The following PROSER3 variants were observed in gnomAD, a reference collection of about 807,000 sequenced individuals.
PROSER3 encodes the protein proline and serine rich 3, also known as proline and serine-rich protein 3.
In PROSER3, 33 loss-of-function variants were observed where a neutral mutation model predicts 50.2. That is an observed-to-expected ratio of 0.66 (90% CI 0.50 to 0.88). PROSER3 has a LOEUF of 0.88. Among genes scored for constraint, PROSER3 ranks in the 40% least tolerant of loss-of-function variants. The pLI is 0.00. For missense variants in PROSER3, 623 were observed against 612.7 expected, an observed-to-expected ratio of 1.02 and a Z score of -0.18; for synonymous variants, 266 against 259.3, an observed-to-expected ratio of 1.03 and a Z score of -0.25.
chr19:35,765,246 G>C, intron 7 of PROSER3, 70 bp downstream of exon 7: 1 of 1,523,596 alleles, frequency 6.6e-7, no homozygotes, highest in Non-Finnish European at 8.9e-7. Flanking sequence ...GACCAGCTAT[G>C]GGACTTTGGG....
At position 35,768,481 on chromosome 19, in the gene PROSER3, C is replaced by A. The variant is rs773452922; in HGVS notation, c.1379C>A (p.Pro460His). 2.5e-6 allele frequency: 4 copies of A among 1,598,092 alleles called. No individual in the cohort carries two copies. In the African/African-American group the frequency reaches 5.3e-5, roughly 21 times the overall value. Reference sequence around the variant, plus strand: ...TCTTGGTCCCCTCCAGCCGGGTCGCCCCCTAGGTCCCCAAGGAGGCTGCTA... The same window carrying A: ...TCTTGGTCCCCTCCAGCCGGGTCGCACCCTAGGTCCCCAAGGAGGCTGCTA... The change falls in exon 11 of 11, where the codon CCC (proline) becomes CAC (histidine). Residue 460 changes from proline (P) to histidine (H), a missense_variant. By Grantham distance (77) the Pro-to-His change is moderately conservative. This residue lies in a region of PROSER3 where 380 missense variants were observed against 346.8 expected (regional missense o/e 1.10). Coordinates refer to ENST00000396908, the Ensembl canonical transcript of PROSER3.
In PROSER3 at chr19:35,758,609, C is replaced by G. The variant is rs979398930; in HGVS notation, c.11+383C>G. ...TTGTAGTCCATCTACCCTTTGCCTTCGTGTCCCCCAGGAATGTATGGGAAA... is the reference window on the plus strand; with the variant it reads ...TTGTAGTCCATCTACCCTTTGCCTTGGTGTCCCCCAGGAATGTATGGGAAA... On this transcript the variant is annotated intron_variant, in intron 1 of 10. Transcript: ENST00000396908. The G allele has an allele frequency of 3.6e-5, 9 of 253,106 alleles. No individual in the cohort carries two copies. The South Asian group carries it at 1.3e-3, about 37-fold the overall frequency. The allele number at this position is 253,106 out of a possible 1,614,324, so 15.7% of individuals were successfully genotyped here.
exon 3 of PROSER3, chr19:35,759,938 G>A: frequency 2.5e-6 from 4 of 1,607,438 alleles, no homozygotes; most frequent in Non-Finnish European, 1.7e-6. Flanking sequence ...AGGGACAGAT[G>A]TGGGCCTCCC....
At chr19:35,769,373 C>T (rs1971278456), downstream of PROSER3, 1 of 147,526 alleles carries the variant, frequency 6.8e-6, no homozygotes, top group Admixed American at 6.8e-5. Context: ...AGTGTGATCT[C>T]GGCTCACTGC....
At chr19:35,766,696 G>A (rs1599756132) in intron 7 of PROSER3, 72 bp from the exon 8 acceptor site, 1 of 1,110,590 alleles carries the variant, frequency 9.0e-7, no homozygotes, top group Non-Finnish European at 1.3e-6. Flanking sequence ...GAGGGCGTGT[G>A]TGCAGGCTGT....
chr19:35,764,896 C>T, exon 6 of PROSER3: 1 of 1,613,808 alleles, frequency 6.2e-7, no homozygotes. Flanking sequence ...CCTGGAGACG[C>T]TGAGCCTACA....
At chr19:35,765,952 G>A (rs1046453901) in intron 7 of PROSER3, among the ~76,000 whole-genome samples, 7 of 152,186 alleles carry the variant, frequency 4.6e-5, no homozygotes, top group Non-Finnish European at 8.8e-5. Context: ...CAGAGGGAAC[G>A]ACAGGTGTAA....
intron 5 of PROSER3, among the ~76,000 whole-genome samples, chr19:35,763,505 CT>C (rs1314409508): frequency 0.013 from 1,771 of 136,656 alleles, 13 homozygotes; most frequent in African/African-American, 0.03. Context: ...CAAGCCCGGC[CT>C]TTTTTTTTTT....
chr19:35,759,604 C>T (rs897076601), intron 2 of PROSER3, 134 bp downstream of exon 2: 23 of 1,015,464 alleles, frequency 2.3e-5, no homozygotes, highest in Non-Finnish European at 2.7e-5. Flanking sequence ...TCCCCACGGC[C>T]CTGCCCTTGT....
At chr19:35,764,432 G>A (rs1460140950) in intron 5 of PROSER3, among the ~76,000 whole-genome samples, 2 of 152,174 alleles carry the variant, frequency 1.3e-5, no homozygotes, top group South Asian at 4.1e-4. Flanking sequence ...TGAGGTGGGC[G>A]GATCACCTGA....
chr19:35,769,012 C>T (rs2146642935), exon 11 of PROSER3: 1 of 154,260 alleles, frequency 6.5e-6, no homozygotes, highest in Middle Eastern at 3.4e-3. Context: ...CTGCACCTCT[C>T]TGGTCAGGCC....
intron 8 of PROSER3, chr19:35,767,755 C>G (rs778190967): frequency 6.4e-7 from 1 of 1,571,838 alleles, no homozygotes; most frequent in South Asian, 1.2e-5. Context: ...CCACACAACC[C>G]CAAACCAAGG....
chr19:35,759,732 C>A, intron 2 of PROSER3, 57 bp from the exon 3 acceptor site: 1 of 1,457,804 alleles, frequency 6.9e-7, no homozygotes, highest in Non-Finnish European at 9.4e-7. Flanking sequence ...GGTTCCCCTG[C>A]AGGGATGACC....
At chr19:35,769,499 G>GAA (rs1971281126), downstream of PROSER3, 1 of 151,796 alleles carries the variant, frequency 6.6e-6, no homozygotes, top group Admixed American at 6.6e-5. Flanking sequence ...GTAGAGACGG[G>GAA]GTTTCACTGT....
exon 11 of PROSER3, chr19:35,768,714 C>T (rs1971258988): frequency 4.4e-6 from 3 of 684,780 alleles, no homozygotes; most frequent in African/African-American, 3.8e-5. Flanking sequence ...CCCACCCCTT[C>T]CTGACCACGG....
At chr19:35,759,869 G>A in exon 3 of PROSER3, 2 of 1,586,022 alleles carry the variant, frequency 1.3e-6, no homozygotes, top group Non-Finnish European at 1.7e-6. Flanking sequence ...ACTCCCCTGA[G>A]CTGTTTGAGG....
At chr19:35,768,678 C>A in exon 11 of PROSER3, 1 of 1,164,936 alleles carries the variant, frequency 8.6e-7, no homozygotes. Context: ...CCCCATCCTC[C>A]GCTGCCCCAT....
chr19:35,764,206 G>A (rs1257946329), intron 5 of PROSER3, among the ~76,000 whole-genome samples: 5 of 152,114 alleles, frequency 3.3e-5, no homozygotes, highest in Admixed American at 6.5e-5. Context: ...GTGGGAAGTG[G>A]GGGCTTTTCG....
Position 35,766,963 on chromosome 19 carries a change from G to A in PROSER3, c.957+8G>A, listed in dbSNP as rs775226856. The A allele has an allele frequency of 7.1e-6, 11 of 1,541,776 alleles. No individual in the cohort carries two copies. Among genetic ancestry groups the A allele is most frequent in the South Asian group, 3.6e-5 (3 of 83,584 alleles). On this transcript the variant is annotated splice_region_variant and intron_variant, in intron 8 of 10. Coordinates refer to ENST00000396908, the Ensembl canonical transcript of PROSER3. ...CCTGCCCTCCGCACGTTGGTGAGCC[G>A]AGGGAGGGAGGAGCCTGGGGGGAGC...
Sources: allele counts gnomAD v4.1 joint callset (sites outside exome capture counted in the v4.1 genomes callset), GRCh38; gene constraint gnomAD v4.1.1; regional missense constraint gnomAD v4.1.1; transcripts MANE v1.5; gene names NCBI Gene and HGNC (gene_info 2026-07-23, HGNC 2026-07-21).